Variants in TNS3 observed in about 807,000 individuals in gnomAD.
TNS3 encodes tensin-3.
In TNS3, 45 loss-of-function variants were observed where a neutral mutation model predicts 140.9. The observed-to-expected ratio is 0.32, with a 90% CI of 0.25 to 0.41. The LOEUF is 0.41. TNS3 is among the 10% of genes least tolerant of loss of function. TNS3 has a pLI of 1.00. For missense variants in TNS3, 1,716 were observed against 1,906.7 expected, an observed-to-expected ratio of 0.90 and a Z score of 1.86; for synonymous variants, 815 against 788.4, an observed-to-expected ratio of 1.03 and a Z score of -0.56.
chr7:47,451,722 G>A (rs1006794967), intron 4 of TNS3, among the ~76,000 whole-genome samples: 1 of 152,258 alleles, frequency 6.6e-6, no homozygotes, highest in Non-Finnish European at 1.5e-5. Context: ...AGGTTGGGCT[G>A]AGACACCTCT....
intron 16 of TNS3, among the ~76,000 whole-genome samples, chr7:47,390,811 C>T (rs970668841): frequency 1.3e-5 from 2 of 152,212 alleles, no homozygotes; most frequent in African/African-American, 4.8e-5. Flanking sequence ...AAGGCCCCTA[C>T]TCTCCATCGC....
At chr7:47,466,267 C>T (rs1796712005) in intron 4 of TNS3, among the ~76,000 whole-genome samples, 1 of 151,966 alleles carries the variant, frequency 6.6e-6, no homozygotes, top group Non-Finnish European at 1.5e-5. Context: ...ATTCTCCTGC[C>T]TCAGCCTCCC....
intron 1 of TNS3, among the ~76,000 whole-genome samples, chr7:47,558,277 C>T (rs947978197): frequency 3.3e-5 from 5 of 152,146 alleles, no homozygotes; most frequent in East Asian, 1.9e-4. Flanking sequence ...AAAGAGGCTG[C>T]GCCACCTCCT....
In TNS3 at chr7:47,303,013, T is replaced by A. The variant is rs77924433; in HGVS notation, c.3394A>T (p.Ile1132Phe). The A allele has an allele frequency of 1.2e-3, 1,916 of 1,613,936 alleles. 24 individuals carry two copies. The highest frequency in any genetic ancestry group is 2.9e-3 in the African/African-American group (219 of 75,050). Residue 1132 changes from isoleucine (I) to phenylalanine (F), a missense_variant, in exon 22 of 31, where the codon ATC becomes TTC. Physicochemically the swap from Ile to Phe is conservative, Grantham distance 21. Around this residue, in one of 3 missense-constraint regions of TNS3, gnomAD observed 1,163 missense variants for 1,182.1 expected, o/e 0.98. Coordinates refer to ENST00000311160, the MANE Select transcript of TNS3 (RefSeq NM_022748.12). The stretch of plus-strand genomic sequence containing the variant: ...TCGGGAAGGACATTTGGGAAGGGGA[T>A]ACTGATGGTGCTCCCGCTGTGCGGG... ...SSPHSGSTISIPFPNVLPDFS... is the reference protein window; with the variant it reads ...SSPHSGSTISFPFPNVLPDFS...
chr7:47,341,274 T>TC lies in TNS3; in HGVS notation c.2650+3480dup, dbSNP rs1788999393. 2.0e-5 allele frequency among the ~76,000 whole-genome samples: 3 copies of TC among 152,198 alleles called. 1 individual carries two copies. Among genetic ancestry groups the TC allele is most frequent in the South Asian group, 4.1e-4 (2 of 4,826 alleles). On this transcript the variant is annotated intron_variant, in intron 20 of 30. Transcript: ENST00000311160. ...CTTCACAAAATGAATTAGGACATGA[T>TC]CCCCCCTCTTCTGTTTTCTGGAAGG...
At chr7:47,423,071 G>A (rs1052154970) in intron 10 of TNS3, among the ~76,000 whole-genome samples, 2 of 152,170 alleles carry the variant, frequency 1.3e-5, no homozygotes, top group African/African-American at 4.8e-5. Flanking sequence ...AAAGGAAAAG[G>A]TGCCTCTGGT....
intron 1 of TNS3, among the ~76,000 whole-genome samples, chr7:47,569,510 C>T (rs1366666845): frequency 2.0e-5 from 3 of 151,752 alleles, no homozygotes; most frequent in Admixed American, 6.6e-5. Flanking sequence ...CGCCACTGCA[C>T]TCCAGCCTGG....
chr7:47,356,496 A>C (rs573538864), intron 17 of TNS3, among the ~76,000 whole-genome samples: 2 of 152,322 alleles, frequency 1.3e-5, no homozygotes, highest in East Asian at 3.9e-4. Context: ...CCACATTTTT[A>C]GCGTCTGCAT....
chr7:47,457,097 G>C (rs1163076808), intron 4 of TNS3, among the ~76,000 whole-genome samples: 1 of 129,498 alleles, frequency 7.7e-6, no homozygotes, highest in East Asian at 2.5e-4. Flanking sequence ...ATCCCTGGAG[G>C]TGTGCTGGTA....
intron 1 of TNS3, among the ~76,000 whole-genome samples, chr7:47,569,050 C>T (rs1022702213): frequency 1.3e-5 from 2 of 152,224 alleles, no homozygotes; most frequent in African/African-American, 4.8e-5. Context: ...GCTTCAGGCA[C>T]GAAGCCTATG....
At chr7:47,318,528 AG>A (rs1286720858) in intron 20 of TNS3, among the ~76,000 whole-genome samples, 1 of 152,202 alleles carries the variant, frequency 6.6e-6, no homozygotes, top group African/African-American at 2.4e-5. Flanking sequence ...AGCACAGGGC[AG>A]TCAGGCCAGG....
rs145855798 is a variant in TNS3, at chr7:47,571,426, G to C, written c.-265+10625C>G. Among the ~76,000 whole-genome samples the C allele has an allele frequency of 2.5e-3, 382 of 152,360 alleles. 1 individual carries two copies. The highest frequency in any genetic ancestry group is 4.7e-3 in the Non-Finnish European group (320 of 68,038). On this transcript the variant is annotated intron_variant, in intron 1 of 30. Transcript: ENST00000311160. Reference sequence around the variant, plus strand: ...CAGGGTAAACAGGCAGGACAACGCAGCCACAGGCTGCACCCACGCTGGGGA... The same window carrying C: ...CAGGGTAAACAGGCAGGACAACGCACCCACAGGCTGCACCCACGCTGGGGA...
intron 20 of TNS3, among the ~76,000 whole-genome samples, chr7:47,332,935 G>A (rs1252836551): frequency 6.6e-6 from 1 of 152,218 alleles, no homozygotes; most frequent in Non-Finnish European, 1.5e-5. Flanking sequence ...CACCAGGAGA[G>A]GAGGGGGTAA....
intron 1 of TNS3, among the ~76,000 whole-genome samples, chr7:47,558,885 CG>C (rs898716214): frequency 2.0e-5 from 3 of 152,188 alleles, no homozygotes; most frequent in Non-Finnish European, 2.9e-5. Context: ...ATGACCCCCT[CG>C]AGCCCTTCCA....
chr7:47,539,802 G>T (rs993195345), intron 1 of TNS3, among the ~76,000 whole-genome samples: 1 of 152,164 alleles, frequency 6.6e-6, no homozygotes, highest in African/African-American at 2.4e-5. Flanking sequence ...GCACCAAGCA[G>T]GAGCAATAAA....
In TNS3 at chr7:47,435,393, C is replaced by T; in HGVS notation, c.213G>A (p.Val71=). ...GCGGTGCGTGGAGCTCTGGCCAGCCCACATCCATGATCTGCAACAAGAAAG... is the reference window on the plus strand; with the variant it reads ...GCGGTGCGTGGAGCTCTGGCCAGCCTACATCCATGATCTGCAACAAGAAAG... ...LTKLNPKIMD[V]GWPELHAPPL... Residue 71 remains valine (V), a synonymous_variant, in exon 8 of 31, where the codon GTG becomes GTA. Coordinates refer to ENST00000311160, the MANE Select transcript of TNS3 (RefSeq NM_022748.12). The T allele has an allele frequency of 6.2e-7, 1 of 1,613,676 alleles. No homozygotes were observed. The highest frequency in any genetic ancestry group is 8.5e-7 in the Non-Finnish European group (1 of 1,179,988).
rs892166556 is a variant in TNS3 at position 47,508,170 on chromosome 7, A to G, written c.-152-1226T>C. On this transcript the variant is annotated intron_variant, in intron 2 of 30. Coordinates refer to ENST00000311160, the MANE Select transcript of TNS3 (RefSeq NM_022748.12). ...TTTCTATGATGTGTCAAAGTCAAAA[A>G]GGTTTGTGTAGGGTTGAATGAGGAT... 4.6e-4 allele frequency among the ~76,000 whole-genome samples: 70 copies of G among 152,148 alleles called. 1 individual carries two copies. Among genetic ancestry groups the G allele is most frequent in the African/African-American group, 1.7e-3 (69 of 41,438 alleles).
chr7:47,522,654 C>A (rs1389096571), intron 2 of TNS3, among the ~76,000 whole-genome samples: 1 of 152,230 alleles, frequency 6.6e-6, no homozygotes, highest in Non-Finnish European at 1.5e-5. Flanking sequence ...CTAGGCCGGG[C>A]ACGGTGGCTC....
At position 47,293,760 on chromosome 7, in the gene TNS3, T is replaced by C; in HGVS notation, c.3745A>G (p.Lys1249Glu). The change falls in exon 25 of 31, where the codon AAA (lysine) becomes GAA (glutamate). Residue 1249 changes from lysine to glutamate, a missense_variant. By Grantham distance (56) the Lys-to-Glu change is moderately conservative. Transcript: ENST00000311160. ...IECTPKGVRLKGCSNEPYFGS... is the reference protein window; with the variant it reads ...IECTPKGVRLEGCSNEPYFGS... ...AAATATGGTTCATTCGAGCACCCTT[T>C]CAACCGCACTCCCTTCGGGGTACAC... 1 of 1,614,186 alleles carries C rather than the reference T, an allele frequency of 6.2e-7. No homozygotes were observed. The highest frequency in any genetic ancestry group is 2.2e-5 in the East Asian group (1 of 44,884).
Sources: allele counts gnomAD v4.1 joint callset (sites outside exome capture counted in the v4.1 genomes callset), GRCh38; gene constraint gnomAD v4.1.1; regional missense constraint gnomAD v4.1.1; transcripts MANE v1.5; gene names NCBI Gene and HGNC (gene_info 2026-07-23, HGNC 2026-07-21).